The following RC3H1 variants were observed in gnomAD, a reference collection of about 807,000 sequenced individuals.
The protein encoded by RC3H1 is roquin-1.
In RC3H1, 50 loss-of-function variants were observed where a neutral mutation model predicts 138.2. That is an observed-to-expected ratio of 0.36 (90% CI 0.29 to 0.46). RC3H1 has a LOEUF of 0.46. Ranked by LOEUF, RC3H1 falls within the 20% of genes least tolerant of loss-of-function variation. The pLI is 1.00. For synonymous variants in RC3H1, 462 were observed against 489.1 expected, an observed-to-expected ratio of 0.94 and a Z score of 0.73; for missense variants, 1,031 against 1,388.1, an observed-to-expected ratio of 0.74 and a Z score of 4.09.
At chr1:173,969,111 C>T (rs1660243716) in intron 9 of RC3H1, among the ~76,000 whole-genome samples, 1 of 151,716 alleles carries the variant, frequency 6.6e-6, no homozygotes. Context: ...CCCGCTTCAG[C>T]CTCCCAAAGT....
intron 6 of RC3H1, 138 bp downstream of exon 6, chr1:173,980,671 G>A (rs1036792564): frequency 5.5e-5 from 26 of 470,100 alleles, no homozygotes; most frequent in Middle Eastern, 5.1e-4. Flanking sequence ...GTATTATAAC[G>A]TGATTGGTTA....
intron 13 of RC3H1, among the ~76,000 whole-genome samples, chr1:173,957,192 AATTTTT>A (rs1177096230): frequency 6.6e-6 from 1 of 152,188 alleles, no homozygotes; most frequent in African/African-American, 2.4e-5. Flanking sequence ...ACATTATTAT[AATTTTT>A]ATTAGGAGTA....
rs371764672 is a variant in RC3H1, at chr1:173,950,061, C to T, written c.2523+1925G>A. On this transcript the variant is annotated intron_variant, in intron 14 of 19. Transcript: ENST00000367696. ...GTATGTGCCTGTAGTCCCAGCTCCTCGGGAGGCTGAGGCAGGAGAATCACT... is the reference window on the plus strand; with the variant it reads ...GTATGTGCCTGTAGTCCCAGCTCCTTGGGAGGCTGAGGCAGGAGAATCACT... Among the ~76,000 whole-genome samples the T allele has an allele frequency of 8.4e-4, 128 of 151,908 alleles. 2 individuals are homozygous for T. The East Asian group carries it at 0.019, about 22-fold the overall frequency.
intron 19 of RC3H1, among the ~76,000 whole-genome samples, chr1:173,939,752 T>G (rs1658759628): frequency 6.6e-6 from 1 of 150,882 alleles, no homozygotes; most frequent in Admixed American, 6.6e-5. Flanking sequence ...GGAGAATCAC[T>G]TAAATCCAGG....
intron 1 of RC3H1, among the ~76,000 whole-genome samples, chr1:174,012,998 A>C (rs1661795359): frequency 6.6e-6 from 1 of 151,998 alleles, no homozygotes; most frequent in Admixed American, 6.6e-5. Flanking sequence ...AAATTCTTTA[A>C]AAAAAGAAGG....
At chr1:173,960,231 A>C (rs1659815419) in intron 13 of RC3H1, among the ~76,000 whole-genome samples, 1 of 151,818 alleles carries the variant, frequency 6.6e-6, no homozygotes, top group Non-Finnish European at 1.5e-5. Flanking sequence ...CAGAGGCTGC[A>C]GTGAACCAAA....
rs1196763577 is a variant in RC3H1, at chr1:173,980,886, T to C, written c.892A>G (p.Ile298Val). Residue 298 changes from isoleucine (I) to valine (V), a missense_variant, in exon 6 of 20, where the codon ATT becomes GTT. Around this residue, in one of 7 missense-constraint regions of RC3H1, gnomAD observed 142 missense variants for 224.6 expected, o/e 0.63. Coordinates refer to ENST00000367696, the MANE Select transcript of RC3H1 (RefSeq NM_172071.4). Reference protein sequence around the residue: ...VQIAMEAGLRIAPDQWSSLLY... With the variant: ...VQIAMEAGLRVAPDQWSSLLY... Reference sequence around the variant, plus strand: ...AAAGAGGACCACTGGTCCGGTGCAATTCGTAAGCCTGCTTCCATAGCAATC... The same window carrying C: ...AAAGAGGACCACTGGTCCGGTGCAACTCGTAAGCCTGCTTCCATAGCAATC... The C allele has an allele frequency of 4.3e-6, 7 of 1,614,114 alleles. No individual in the cohort carries two copies. The highest frequency in any genetic ancestry group is 5.9e-6 in the Non-Finnish European group (7 of 1,179,978).
intron 13 of RC3H1, among the ~76,000 whole-genome samples, chr1:173,952,361 GGTTTTTTTTTTTT>G (rs1172472101): frequency 1.2e-4 from 14 of 112,024 alleles, no homozygotes; most frequent in South Asian, 5.7e-4. Flanking sequence ...TTAGCTTTCA[GGTTTTTTTTTTTT>G]GTTTTTTTTT....
At chr1:174,009,934 C>T (rs1661719335) in intron 1 of RC3H1, among the ~76,000 whole-genome samples, 1 of 152,170 alleles carries the variant, frequency 6.6e-6, no homozygotes. Context: ...AACACTTCGT[C>T]CTCGCAATGA....
intron 18 of RC3H1, among the ~76,000 whole-genome samples, chr1:173,941,910 T>A (rs189704316): frequency 4.9e-4 from 65 of 133,104 alleles, no homozygotes; most frequent in African/African-American, 1.8e-3. Context: ...CCCACCTGGG[T>A]GACAGAGTGA....
chr1:173,965,236 A>C, intron 9 of RC3H1, 116 bp from the exon 10 acceptor site: 2 of 946,766 alleles, frequency 2.1e-6, no homozygotes, highest in East Asian at 2.6e-5. Flanking sequence ...TAACTCTATC[A>C]GTGTGTATAT....
chr1:173,950,657 G>T (rs770566846), intron 14 of RC3H1, among the ~76,000 whole-genome samples: 2 of 152,000 alleles, frequency 1.3e-5, no homozygotes, highest in Non-Finnish European at 2.9e-5. Flanking sequence ...ATGAAACAGG[G>T]AGAAAAATGA....
Position 173,946,577 on chromosome 1 carries a change from G to T in RC3H1, c.2860C>A (p.His954Asn). 6.2e-7 allele frequency: 1 copy of T among 1,613,932 alleles called. No individual in the cohort carries two copies. ...ERISMSEVAS[H>N]GKPLPSAERE... ...TCAGCAGATGGAAGGGGTTTTCCAT[G>T]ACTGGCCACTTCTGACATAGATATT... The change falls in exon 17 of 20, where the codon CAT becomes AAT. Residue 954 changes from histidine to asparagine, a missense_variant. By Grantham distance (68) the His-to-Asn change is moderately conservative (BLOSUM62 1). Around this residue, in one of 7 missense-constraint regions of RC3H1, gnomAD observed 716 missense variants for 837.9 expected, o/e 0.85. Transcript: ENST00000367696.
chr1:173,956,261 T>C (rs764549477), intron 13 of RC3H1, among the ~76,000 whole-genome samples: 1 of 152,154 alleles, frequency 6.6e-6, no homozygotes, highest in Non-Finnish European at 1.5e-5. Context: ...TTCTGTAACC[T>C]TGACCTTCCA....
chr1:173,994,510 T>G (rs1267320250), intron 1 of RC3H1, among the ~76,000 whole-genome samples: 1 of 152,154 alleles, frequency 6.6e-6, no homozygotes, highest in Non-Finnish European at 1.5e-5. Context: ...CTCATACAAA[T>G]TTTTCAGGCT....
chr1:173,961,063 A>C lies in RC3H1; in HGVS notation c.2370+14T>G, dbSNP rs1439397056. The C allele has an allele frequency of 6.2e-7, 1 of 1,610,680 alleles. No individual in the cohort carries two copies. The highest frequency in any genetic ancestry group is 1.3e-5 in the African/African-American group (1 of 74,764). Reference sequence around the variant, plus strand: ...AAAAACACGGATAAATGAGACTAAAAATGATTTGCTTACTTCTTCCGGATG... The same window carrying C: ...AAAAACACGGATAAATGAGACTAAACATGATTTGCTTACTTCTTCCGGATG... On this transcript the variant is annotated intron_variant, in intron 13 of 19. Transcript: ENST00000367696.
chr1:173,979,078 G>A (rs1194580712), intron 6 of RC3H1, among the ~76,000 whole-genome samples: 2 of 152,146 alleles, frequency 1.3e-5, no homozygotes, highest in Admixed American at 1.3e-4. Context: ...TTCATCCGTT[G>A]CAAAAGTCAC....
intron 6 of RC3H1, among the ~76,000 whole-genome samples, chr1:173,980,022 C>T (rs187493544): frequency 4.0e-5 from 6 of 151,542 alleles, no homozygotes; most frequent in African/African-American, 1.5e-4. Flanking sequence ...AGACTATAGG[C>T]GCCTACCACC....
At chr1:174,006,084 G>A (rs754209286) in intron 1 of RC3H1, among the ~76,000 whole-genome samples, 1 of 152,148 alleles carries the variant, frequency 6.6e-6, no homozygotes, top group Non-Finnish European at 1.5e-5. Context: ...GTGGGTGCCT[G>A]TAATCCCTGC....
Sources: gnomAD v4.1 joint callset for allele counts (sites outside exome capture counted in the v4.1 genomes callset) on GRCh38, gnomAD v4.1.1 for gene constraint, gnomAD v4.1.1 regional missense constraint, MANE v1.5 for transcripts, NCBI Gene and HGNC (gene_info 2026-07-23, HGNC 2026-07-21) for gene names.